PATJ: variants seen among roughly 807,000 people sequenced by gnomAD.
PATJ encodes PATJ crumbs cell polarity complex component.
Under a neutral mutation model 224.9 loss-of-function variants are expected in PATJ, and 190 were observed. The observed-to-expected ratio is 0.84, with a 90% CI of 0.75 to 0.95. PATJ has a LOEUF of 0.95. Among genes scored for constraint, PATJ ranks in the 40% least tolerant of loss-of-function variants. The pLI, the probability that PATJ is intolerant of heterozygous loss-of-function variation, is 0.00. For synonymous variants in PATJ, 769 were observed against 820.3 expected, an observed-to-expected ratio of 0.94 and a Z score of 1.07; for missense variants, 2,121 against 2,270.3, an observed-to-expected ratio of 0.93 and a Z score of 1.34.
intron 17 of PATJ, among the ~76,000 whole-genome samples, chr1:61,837,049 C>G (rs1660296466): frequency 1.3e-5 from 2 of 152,206 alleles, no homozygotes; most frequent in African/African-American, 4.8e-5. Context: ...AGCCTTTTCT[C>G]TAGAACAAGA....
chr1:61,884,776 G>T (rs958688249), intron 22 of PATJ, among the ~76,000 whole-genome samples: 3 of 152,116 alleles, frequency 2.0e-5, no homozygotes, highest in African/African-American at 7.2e-5. Flanking sequence ...AGTGTAAAAG[G>T]GGGTAGTTGA....
intron 20 of PATJ, among the ~76,000 whole-genome samples, chr1:61,871,393 A>ACATATATGTG (rs1666358194): frequency 8.2e-6 from 1 of 121,716 alleles, no homozygotes; most frequent in African/African-American, 3.2e-5. Flanking sequence ...TTGTGTATAT[A>ACATATATGTG]TATATATGTG....
At chr1:61,948,307 C>G (rs145944339) in intron 27 of PATJ, among the ~76,000 whole-genome samples, 1 of 152,164 alleles carries the variant, frequency 6.6e-6, no homozygotes, top group Non-Finnish European at 1.5e-5. Context: ...TTTTTACAAT[C>G]TATCCATCTG....
At chr1:62,097,473 A>G (rs1036265623) in intron 33 of PATJ, among the ~76,000 whole-genome samples, 15 of 152,252 alleles carry the variant, frequency 9.9e-5, no homozygotes, top group African/African-American at 3.1e-4. Context: ...AAACACTGCT[A>G]CCCTGTGAAG....
At chr1:61,841,410 T>C (rs1489261112) in intron 17 of PATJ, among the ~76,000 whole-genome samples, 1 of 152,216 alleles carries the variant, frequency 6.6e-6, no homozygotes, top group Non-Finnish European at 1.5e-5. Flanking sequence ...TGATAGGTAT[T>C]GATATAATTT....
chr1:61,801,841 A>C, intron 12 of PATJ, 72 bp downstream of exon 12: 2 of 1,092,448 alleles, frequency 1.8e-6, no homozygotes, highest in Non-Finnish European at 2.5e-6. Flanking sequence ...TTTATAGTTA[A>C]TATAGTATGA....
intron 27 of PATJ, among the ~76,000 whole-genome samples, chr1:61,934,310 G>A (rs566396680): frequency 6.6e-6 from 1 of 152,264 alleles, no homozygotes; most frequent in Non-Finnish European, 1.5e-5. Context: ...TAGAGATGGG[G>A]TTTCATCATG....
At chr1:61,771,296 A>G (rs540511515) in intron 5 of PATJ, 135 bp from the exon 6 acceptor site, 17 of 522,800 alleles carry the variant, frequency 3.3e-5, no homozygotes, top group Middle Eastern at 5.1e-4. Flanking sequence ...GAGCTCTGTT[A>G]TATAATTAAA....
chr1:62,094,851 CAG>C (rs1661212316), intron 33 of PATJ, among the ~76,000 whole-genome samples: 1 of 152,092 alleles, frequency 6.6e-6, no homozygotes. Flanking sequence ...TATTTTATAG[CAG>C]AGTTTTGTAA....
intron 24 of PATJ, 91 bp downstream of exon 24, chr1:61,901,550 G>A (rs1671153734): frequency 1.1e-6 from 1 of 883,774 alleles, no homozygotes; most frequent in Admixed American, 3.0e-5. Context: ...TTATGTGTTG[G>A]GGACCGTGTG....
intron 27 of PATJ, among the ~76,000 whole-genome samples, chr1:61,984,098 C>T (rs918205859): frequency 1.3e-5 from 2 of 151,562 alleles, no homozygotes; most frequent in African/African-American, 4.9e-5. Context: ...GGATGATGCA[C>T]CTGGCCCCCC....
Position 61,818,863 on chromosome 1 carries a change from C to T in PATJ, c.1684-4082C>T, listed in dbSNP as rs974630283. 1.4e-4 allele frequency among the ~76,000 whole-genome samples: 21 copies of T among 152,076 alleles called. 1 individual carries two copies. The highest frequency in any genetic ancestry group is 1.8e-4 in the Non-Finnish European group (12 of 68,016). Reference sequence around the variant, plus strand: ...CCATGGAGGTGGGAATGGGGGTCATCATATGAATAGATGCGGATTGGGAGA... The same window carrying T: ...CCATGGAGGTGGGAATGGGGGTCATTATATGAATAGATGCGGATTGGGAGA... On this transcript the variant is annotated intron_variant, in intron 14 of 43. Transcript: ENST00000642238.
chr1:62,100,817 G>A (rs565900574), intron 33 of PATJ, among the ~76,000 whole-genome samples: 7 of 152,266 alleles, frequency 4.6e-5, no homozygotes, highest in African/African-American at 1.2e-4. Context: ...GGGAGGTGGC[G>A]CAAGACATAG....
chr1:61,859,121 A>G (rs1664155429), intron 18 of PATJ, among the ~76,000 whole-genome samples: 1 of 152,224 alleles, frequency 6.6e-6, no homozygotes, highest in Non-Finnish European at 1.5e-5. Flanking sequence ...GGGACATCCC[A>G]AACTATTTGT....
intron 41 of PATJ, among the ~76,000 whole-genome samples, chr1:62,137,524 A>G (rs1244048496): frequency 0.026 from 27 of 1,034 alleles, no homozygotes; most frequent in Admixed American, 0.035. Flanking sequence ...GGGGCACAGC[A>G]GTCTGAGGGG....
At chr1:61,786,359 C>T (rs756666254) in intron 7 of PATJ, among the ~76,000 whole-genome samples, 6 of 152,054 alleles carry the variant, frequency 3.9e-5, no homozygotes, top group East Asian at 3.9e-4. Flanking sequence ...GCTAATGACC[C>T]GCAAGGTGTT....
chr1:61,764,008 TG>T (rs200527740), intron 3 of PATJ, among the ~76,000 whole-genome samples: 11,646 of 150,222 alleles, frequency 0.078, 473 homozygotes, highest in South Asian at 0.098. Context: ...TCTTTTTTTT[TG>T]TGTGTGTGTG....
In PATJ at chr1:62,144,781, T is replaced by A. The variant is rs567540969; in HGVS notation, c.5272-3503T>A. The stretch of plus-strand genomic sequence containing the variant: ...ATGTTATTTGCAAAAAAAAAAAATA[T>A]ATATATATATATATAATTAGCAGAA... On this transcript the variant is annotated intron_variant, in intron 41 of 43. Transcript: ENST00000642238. 2.7e-3 allele frequency among the ~76,000 whole-genome samples: 364 copies of A among 135,730 alleles called. 4 individuals carry two copies. The South Asian group carries it at 0.033, about 12-fold the overall frequency. The allele number at this position is 135,730 out of a possible 152,430, so 89.0% of individuals were successfully genotyped here. A position where few individuals can be genotyped will look rare whatever the true frequency, so the allele number is the denominator to read the frequency against.
At chr1:62,097,152 T>C (rs1291852101) in intron 33 of PATJ, among the ~76,000 whole-genome samples, 1 of 152,156 alleles carries the variant, frequency 6.6e-6, no homozygotes, top group Non-Finnish European at 1.5e-5. Flanking sequence ...CTATGATAGG[T>C]GGCAGAGCTA....
Sources: gnomAD v4.1 joint callset for allele counts (sites outside exome capture counted in the v4.1 genomes callset) on GRCh38, gnomAD v4.1.1 for gene constraint, MANE v1.5 for transcripts, NCBI Gene and HGNC (gene_info 2026-07-23, HGNC 2026-07-21) for gene names.